CHAF1B: variants seen among roughly 807,000 people sequenced by gnomAD.
CHAF1B encodes chromatin assembly factor 1 subunit B, also known as CAF-1 subunit B.
In CHAF1B, 10 loss-of-function variants were observed where a neutral mutation model predicts 60.7. The observed-to-expected ratio is 0.16, with a 90% CI of 0.10 to 0.28. The LOEUF is 0.28. Ranked by LOEUF, CHAF1B falls within the 10% of genes least tolerant of loss-of-function variation. The pLI is 1.00. For synonymous variants in CHAF1B, 261 were observed against 266.1 expected (o/e 0.98, Z 0.19); for missense variants, 558 against 708.4 (o/e 0.79, Z 2.41).
At chr21:36,415,537 G>A in intron 13 of CHAF1B, 148 bp downstream of exon 13, 1 of 621,216 alleles carries the variant, frequency 1.6e-6, no homozygotes, top group South Asian at 1.9e-5. Context: ...CCCGCCGGCT[G>A]CCTGTTTACG....
intron 8 of CHAF1B, among the ~76,000 whole-genome samples, chr21:36,405,566 A>G (rs2086231718): frequency 6.6e-6 from 1 of 152,106 alleles, no homozygotes; most frequent in South Asian, 2.1e-4. Context: ...ACTAGCTGGG[A>G]CCACAGGCGT....
chr21:36,389,794 T>TGCGCGCGCGCGCGC (rs1271634709), intron 3 of CHAF1B, among the ~76,000 whole-genome samples: 2 of 124,428 alleles, frequency 1.6e-5, no homozygotes, highest in African/African-American at 8.2e-5. Flanking sequence ...TGTGTGTGTG[T>TGCGCGCGCGCGCGC]GTGTGTGCGC....
At chr21:36,399,036 ATT>A (rs201186457) in intron 6 of CHAF1B, among the ~76,000 whole-genome samples, 12 of 138,418 alleles carry the variant, frequency 8.7e-5, no homozygotes, top group Non-Finnish European at 1.3e-4. Context: ...TGACTTACCA[ATT>A]TTTTTTTTTT....
rs555085375 is a variant in CHAF1B at position 36,387,312 on chromosome 21, C to T, written c.127-286C>T. 6.6e-5 allele frequency among the ~76,000 whole-genome samples: 10 copies of T among 151,632 alleles called. No homozygotes were observed. The East Asian group carries it at 1.2e-3, about 18-fold the overall frequency. On this transcript the variant is annotated intron_variant, in intron 2 of 13. Coordinates refer to ENST00000314103, the MANE Select transcript of CHAF1B (RefSeq NM_005441.3). ...ATCTTGGCTCAGTGCAGCCCCGACC[C>T]GGGGCTCAAGTGATCCTCCCTCTTA...
At position 36,391,538 on chromosome 21, in the gene CHAF1B, A is replaced by C. The variant is rs1043451201; in HGVS notation, c.260-13A>C. On this transcript the variant is annotated splice_polypyrimidine_tract_variant and intron_variant, in intron 3 of 13. Coordinates refer to ENST00000314103, the MANE Select transcript of CHAF1B (RefSeq NM_005441.3). ...GGTGAAGCGTGGATCACTGTTACTG[A>C]ATCACCCTGCAGATGCTGTCATCCT... 6.6e-7 allele frequency: 1 copy of C among 1,519,388 alleles called. No individual in the cohort carries two copies. The highest frequency in any genetic ancestry group is 1.4e-5 in the African/African-American group (1 of 72,856). The allele number at this position is 1,519,388 out of a possible 1,614,324, so 94.1% of individuals were successfully genotyped here.
chr21:36,408,122 A>G (rs758272743), intron 8 of CHAF1B, among the ~76,000 whole-genome samples: 14 of 152,242 alleles, frequency 9.2e-5, no homozygotes, highest in Non-Finnish European at 1.8e-4. Flanking sequence ...AAGAAATAGC[A>G]TAAAACAGGG....
chr21:36,389,800 T>TGTGTGTGCGTGCGCGCGC, intron 3 of CHAF1B, among the ~76,000 whole-genome samples: 2 of 124,746 alleles, frequency 1.6e-5, no homozygotes, highest in Non-Finnish European at 3.2e-5. Flanking sequence ...TGTGTGTGTG[T>TGTGTGTGCGTGCGCGCGC]GCGCGCGCAC....
At chr21:36,408,632 G>T (rs2086254985) in intron 8 of CHAF1B, 129 bp from the exon 9 acceptor site, 2 of 650,496 alleles carry the variant, frequency 3.1e-6, no homozygotes, top group Non-Finnish European at 5.6e-6. Context: ...TCACAACATT[G>T]TCCAGAGAAT....
intron 3 of CHAF1B, among the ~76,000 whole-genome samples, chr21:36,388,442 G>GTGTTAGTA: frequency 6.7e-6 from 1 of 149,396 alleles, no homozygotes; most frequent in African/African-American, 2.5e-5. Context: ...CTTTAGGACT[G>GTGTTAGTA]TGTTAGTAAT....
chr21:36,391,477 AAAAT>A, intron 3 of CHAF1B, 70 bp from the exon 4 acceptor site: 267 of 1,013,022 alleles, frequency 2.6e-4, no homozygotes, highest in Middle Eastern at 9.0e-4. Context: ...AAAAAAAAAA[AAAAT>A]GAAAATAAAA....
At chr21:36,402,090 A>G (rs218646) in intron 7 of CHAF1B, among the ~76,000 whole-genome samples, 12,261 of 152,272 alleles carry the variant, frequency 0.081, 695 homozygotes, top group Non-Finnish European at 0.12. Flanking sequence ...GACAGGTGTT[A>G]AAGAAATGTT....
Position 36,413,000 on chromosome 21 carries a change from G to T in CHAF1B, c.1178G>T (p.Arg393Ile). ...AAAGAGAAGCCAGTTTTGAACATGA[G>T]AACTCCTGATACAGCAAAGAAAACC... ...PLKEKPVLNM[R>I]TPDTAKKTKS... Residue 393 changes from arginine (R) to isoleucine (I), a missense_variant, in exon 12 of 14, where the codon AGA becomes ATA. By Grantham distance (97) the Arg-to-Ile change is moderately conservative (BLOSUM62 -3). This residue lies in a region of CHAF1B where 233 missense variants were observed against 214.9 expected (regional missense o/e 1.08). Coordinates refer to ENST00000314103, the MANE Select transcript of CHAF1B (RefSeq NM_005441.3). 1 of 1,614,176 alleles carries T rather than the reference G, an allele frequency of 6.2e-7. No homozygotes were observed. The highest frequency in any genetic ancestry group is 8.5e-7 in the Non-Finnish European group (1 of 1,180,034).
Position 36,402,102 on chromosome 21 carries a change from T to C in CHAF1B, c.664-656T>C, listed in dbSNP as rs115158427. Among the ~76,000 whole-genome samples the C allele has an allele frequency of 7.9e-3, 1,199 of 152,320 alleles. 16 individuals are homozygous for C. The highest frequency in any genetic ancestry group is 0.028 in the African/African-American group (1,150 of 41,578). On this transcript the variant is annotated intron_variant, in intron 7 of 13. Coordinates refer to ENST00000314103, the MANE Select transcript of CHAF1B (RefSeq NM_005441.3). The stretch of plus-strand genomic sequence containing the variant: ...CCAGACAGGTGTTAAAGAAATGTTG[T>C]TTTAAAAGATTAATGATTACCAGTT...
In CHAF1B at chr21:36,392,039, G is replaced by C. The variant is rs565337306; in HGVS notation, c.377+371G>C. On this transcript the variant is annotated intron_variant, in intron 4 of 13. Coordinates refer to ENST00000314103, the MANE Select transcript of CHAF1B (RefSeq NM_005441.3). The stretch of plus-strand genomic sequence containing the variant: ...GTCAGCAGATAAACAAGTGAACAAG[G>C]GTCTCTGGTTTTCCTAGGCAGAGGA... 6.0e-5 allele frequency among the ~76,000 whole-genome samples: 9 copies of C among 149,396 alleles called. No homozygotes were observed. In the East Asian group the frequency reaches 1.8e-3, roughly 29 times the overall value.
intron 4 of CHAF1B, 107 bp from the exon 5 acceptor site, chr21:36,394,440 C>G: frequency 1.4e-6 from 1 of 729,394 alleles, no homozygotes; most frequent in Non-Finnish European, 2.4e-6. Flanking sequence ...GAACTCCTGA[C>G]CACAGGCAGT....
chr21:36,394,117 G>A (rs1213208250), intron 4 of CHAF1B, among the ~76,000 whole-genome samples: 2 of 145,336 alleles, frequency 1.4e-5, no homozygotes, highest in Non-Finnish European at 3.0e-5. Flanking sequence ...TCACTCTGTC[G>A]CCAGGCTGGA....
At chr21:36,409,318 T>TTTTTG in intron 9 of CHAF1B, 56 bp from the exon 10 acceptor site, 1 of 1,419,562 alleles carries the variant, frequency 7.0e-7, no homozygotes, top group Non-Finnish European at 9.9e-7. Flanking sequence ...TTACCTTTTA[T>TTTTTG]TTTTGCTTTT....
At position 36,394,650 on chromosome 21, in the gene CHAF1B, G is replaced by A. The variant is rs1251928057; in HGVS notation, c.481G>A (p.Gly161Arg). The A allele has an allele frequency of 6.3e-7, 1 of 1,588,148 alleles. No individual in the cohort carries two copies. Among genetic ancestry groups the A allele is most frequent in the Non-Finnish European group, 8.6e-7 (1 of 1,161,718 alleles). Residue 161 changes from glycine to arginine, a missense_variant and splice_region_variant, in exon 5 of 14, where the codon GGA becomes AGA. Around this residue, in one of 2 missense-constraint regions of CHAF1B, gnomAD observed 325 missense variants for 493.5 expected, o/e 0.66. Coordinates refer to ENST00000314103, the MANE Select transcript of CHAF1B (RefSeq NM_005441.3). ...NTAIIWDVSK[G>R]QKISIFNEHK... is the part of the protein sequence containing the mutation. ...AGCCATCATATGGGATGTCAGCAAA[G>A]GTAAATGATATATTTTTGTTATTAG... is the stretch of plus-strand genomic sequence containing the variant.
Position 36,411,574 on chromosome 21 carries a change from T to C in CHAF1B, c.1031T>C (p.Ile344Thr), listed in dbSNP as rs754193187. ...QSFPFGYVSN[I>T]HYHTLSDISW... ...TTCCCTTTTGGTTACGTGTCTAATATACATTACCACACCCTCAGTGACATT... is the reference window on the plus strand; with the variant it reads ...TTCCCTTTTGGTTACGTGTCTAATACACATTACCACACCCTCAGTGACATT... Residue 344 changes from isoleucine to threonine, a missense_variant, in exon 11 of 14, where the codon ATA becomes ACA. Transcript: ENST00000314103. The C allele has an allele frequency of 1.7e-5, 27 of 1,614,004 alleles. No individual in the cohort carries two copies. Among genetic ancestry groups the C allele is most frequent in the Non-Finnish European group, 2.0e-5 (24 of 1,180,026 alleles).
Sources: allele counts gnomAD v4.1 joint callset (sites outside exome capture counted in the v4.1 genomes callset), GRCh38; gene constraint gnomAD v4.1.1; regional missense constraint gnomAD v4.1.1; transcripts MANE v1.5; gene names NCBI Gene and HGNC (gene_info 2026-07-23, HGNC 2026-07-21).